The following CDH12 variants were observed in gnomAD, a reference collection of about 807,000 sequenced individuals.
CDH12 encodes the protein cadherin-12.
CDH12 carries 41 observed loss-of-function variants against 74.1 expected under a neutral mutation model. The ratio of observed to expected loss-of-function variants is 0.55; its 90% confidence interval spans 0.43 to 0.72. The LOEUF (loss-of-function observed/expected upper bound fraction) is 0.72. Among genes scored for constraint, CDH12 ranks in the 30% least tolerant of loss-of-function variants. CDH12 has a pLI of 0.00. For synonymous variants in CDH12, 399 were observed against 355.0 expected (o/e 1.12, Z -1.39); for missense variants, 945 against 977.2 (o/e 0.97, Z 0.44).
At chr5:21,870,552 A>G (rs1751567750) in intron 6 of CDH12, among the ~76,000 whole-genome samples, 1 of 152,066 alleles carries the variant, frequency 6.6e-6, no homozygotes, top group Non-Finnish European at 1.5e-5. Flanking sequence ...AGCCAAGTAG[A>G]TTTCTGTTCA....
chr5:22,732,519 C>T (rs1259499042), intron 1 of CDH12, among the ~76,000 whole-genome samples: 1 of 151,122 alleles, frequency 6.6e-6, no homozygotes, highest in Admixed American at 6.6e-5. Context: ...TTCCAAACCC[C>T]TACTATCCCA....
chr5:22,554,608 GA>G (rs545844656), intron 1 of CDH12, among the ~76,000 whole-genome samples: 126 of 152,206 alleles, frequency 8.3e-4, no homozygotes, highest in African/African-American at 3.0e-3. Context: ...AACTACTGGT[GA>G]GTGGACATCC....
chr5:22,139,783 A>AT (rs1183407962), intron 4 of CDH12, among the ~76,000 whole-genome samples: 1 of 152,136 alleles, frequency 6.6e-6, no homozygotes, highest in East Asian at 1.9e-4. Context: ...AGCTCAAAAT[A>AT]TAAGCCAGGG....
At chr5:22,273,032 A>G (rs575799018) in intron 3 of CDH12, among the ~76,000 whole-genome samples, 1 of 152,238 alleles carries the variant, frequency 6.6e-6, no homozygotes, top group African/African-American at 2.4e-5. Context: ...ACTCACTATC[A>G]TGAGAACAGC....
chr5:22,330,528 G>A (rs754856139), intron 3 of CDH12, among the ~76,000 whole-genome samples: 1 of 151,978 alleles, frequency 6.6e-6, no homozygotes, highest in Non-Finnish European at 1.5e-5. Flanking sequence ...CGAGGTGAGT[G>A]GATCACGAGG....
chr5:22,244,864 T>C (rs947158437), intron 3 of CDH12, among the ~76,000 whole-genome samples: 14 of 151,934 alleles, frequency 9.2e-5, no homozygotes, highest in Admixed American at 9.2e-4. Context: ...TGCTAATTTA[T>C]TTAGGGTGCT....
intron 1 of CDH12, among the ~76,000 whole-genome samples, chr5:22,642,304 AC>A (rs1218383455): frequency 6.6e-6 from 1 of 152,186 alleles, no homozygotes; most frequent in East Asian, 1.9e-4. Flanking sequence ...TACTAGAATA[AC>A]ACAATTTGCT....
intron 6 of CDH12, among the ~76,000 whole-genome samples, chr5:21,899,806 A>T (rs1327130199): frequency 6.6e-6 from 1 of 151,880 alleles, no homozygotes; most frequent in Non-Finnish European, 1.5e-5. Context: ...ACTATAATAT[A>T]TGAACCATAC....
chr5:21,884,707 T>C (rs1344293848), intron 6 of CDH12, among the ~76,000 whole-genome samples: 1 of 152,158 alleles, frequency 6.6e-6, no homozygotes, highest in African/African-American at 2.4e-5. Context: ...AGAATAGTTG[T>C]GTACAAAGTA....
chr5:21,923,153 G>A (rs965607138), intron 6 of CDH12, among the ~76,000 whole-genome samples: 1 of 151,944 alleles, frequency 6.6e-6, no homozygotes, highest in Non-Finnish European at 1.5e-5. Flanking sequence ...TACTATAATG[G>A]TGGTGAATAA....
intron 11 of CDH12, among the ~76,000 whole-genome samples, chr5:21,780,973 T>A (rs1166789106): frequency 6.6e-6 from 1 of 151,874 alleles, no homozygotes; most frequent in African/African-American, 2.4e-5. Flanking sequence ...ACAAAGAGAA[T>A]GAGGATGGGA....
chr5:22,801,658 T>C, intron 1 of CDH12, among the ~76,000 whole-genome samples: 1 of 117,440 alleles, frequency 8.5e-6, no homozygotes, highest in South Asian at 2.5e-4. Context: ...TATATATATA[T>C]ATATATATAT....
rs564343012 is a variant in CDH12 at position 22,438,650 on chromosome 5, A to T, written c.-427-33299T>A. Among the ~76,000 whole-genome samples, 3 of 152,156 alleles carry T rather than the reference A, an allele frequency of 2.0e-5. No homozygotes were observed. In the South Asian group the frequency reaches 6.2e-4, roughly 32 times the overall value. ...AAATGCTCAATAATCTCATGTGGCC[A>T]GTGGCTACTGTACTGGACAATGCAG... On this transcript the variant is annotated intron_variant, in intron 2 of 14. Coordinates refer to ENST00000382254, the MANE Select transcript of CDH12 (RefSeq NM_004061.5).
At chr5:22,806,548 G>T (rs1471153107) in intron 1 of CDH12, among the ~76,000 whole-genome samples, 1 of 151,876 alleles carries the variant, frequency 6.6e-6, no homozygotes, top group African/African-American at 2.4e-5. Context: ...TAGAGACGGG[G>T]TTTCACCGTG....
chr5:21,920,437 A>G (rs1210549684), intron 6 of CDH12, among the ~76,000 whole-genome samples: 3 of 152,060 alleles, frequency 2.0e-5, no homozygotes, highest in Admixed American at 6.6e-5. Flanking sequence ...ATAGAAAACC[A>G]AACAATGCAT....
chr5:22,312,123 A>G (rs1738421493), intron 3 of CDH12, among the ~76,000 whole-genome samples: 4 of 152,066 alleles, frequency 2.6e-5, no homozygotes, highest in Admixed American at 2.6e-4. Flanking sequence ...ACCCTGACCA[A>G]AAAAGGGTCT....
At chr5:22,488,823 T>C (rs1169823082) in intron 2 of CDH12, among the ~76,000 whole-genome samples, 1 of 151,966 alleles carries the variant, frequency 6.6e-6, no homozygotes, top group Non-Finnish European at 1.5e-5. Context: ...CATTTGCCTC[T>C]TGCACCCTCT....
intron 6 of CDH12, among the ~76,000 whole-genome samples, chr5:21,916,844 G>T (rs1754120194): frequency 6.6e-6 from 1 of 152,170 alleles, no homozygotes; most frequent in Non-Finnish European, 1.5e-5. Context: ...TCTGGGCCAG[G>T]CAAGGCTTCA....
intron 4 of CDH12, among the ~76,000 whole-genome samples, chr5:22,183,444 G>A (rs1251305420): frequency 1.3e-5 from 2 of 152,116 alleles, no homozygotes; most frequent in African/African-American, 2.4e-5. Context: ...GTTGTAAAGT[G>A]CATGGGACAG....
Sources: gnomAD v4.1 joint callset for allele counts (sites outside exome capture counted in the v4.1 genomes callset) on GRCh38, gnomAD v4.1.1 for gene constraint, MANE v1.5 for transcripts, NCBI Gene and HGNC (gene_info 2026-07-23, HGNC 2026-07-21) for gene names.